Variants in KCNK10 observed in about 807,000 individuals in gnomAD.
The protein encoded by KCNK10 is potassium channel subfamily K member 10.
A neutral mutation model predicts 47.7 loss-of-function variants in KCNK10; 25 were observed. That is an observed-to-expected ratio of 0.52 (90% CI 0.38 to 0.73). KCNK10 has a LOEUF of 0.73. Ranked by LOEUF, KCNK10 falls within the 30% of genes least tolerant of loss-of-function variation. The pLI is 0.00. For synonymous variants in KCNK10, 303 were observed against 285.6 expected, an observed-to-expected ratio of 1.06 and a Z score of -0.61; for missense variants, 563 against 714.5, an observed-to-expected ratio of 0.79 and a Z score of 2.42.
At chr14:88,191,606 T>G (rs1355065564) in intron 5 of KCNK10, among the ~76,000 whole-genome samples, 1 of 151,774 alleles carries the variant, frequency 6.6e-6, no homozygotes, top group Non-Finnish European at 1.5e-5. Context: ...TTGATGATTT[T>G]TTTTTCACTT....
At chr14:88,326,300 G>T, upstream of KCNK10, 1 of 771,772 alleles carries the variant, frequency 1.3e-6, no homozygotes. Context: ...TGGACTGCAT[G>T]GAGTGGGGAT....
At chr14:88,225,343 C>T (rs1210307796) in intron 4 of KCNK10, among the ~76,000 whole-genome samples, 1 of 152,174 alleles carries the variant, frequency 6.6e-6, no homozygotes, top group Non-Finnish European at 1.5e-5. Flanking sequence ...GTCTCGCCTT[C>T]CTAAAAGAAT....
intron 4 of KCNK10, among the ~76,000 whole-genome samples, chr14:88,200,085 T>C (rs955419891): frequency 1.3e-5 from 2 of 149,854 alleles, no homozygotes; most frequent in Non-Finnish European, 2.9e-5. Context: ...CTTTCTTTCT[T>C]CCTTTCTTCC....
At position 88,180,936 on chromosome 14, in the gene KCNK10, T is replaced by C; in HGVS notation, c.*4599A>G. The C allele has an allele frequency of 2.5e-6, 1 of 398,324 alleles. No homozygotes were observed. The highest frequency in any genetic ancestry group is 3.5e-5 in the East Asian group (1 of 28,196). 24.7% of individuals were successfully genotyped at this position (398,324 alleles called of 1,614,324 possible). ...GTTTCAGAGAGTTACCCTTTTTCTT[T>C]TTAAGGCCATTACTAGCCAGCTCTT... On this transcript the variant is annotated 3_prime_UTR_variant, in exon 7 of 7. Coordinates refer to ENST00000319231, the MANE Select transcript of KCNK10 (RefSeq NM_138317.3).
chr14:88,280,025 A>G (rs1260620444), intron 1 of KCNK10, among the ~76,000 whole-genome samples: 3 of 152,172 alleles, frequency 2.0e-5, no homozygotes, highest in Non-Finnish European at 2.9e-5. Flanking sequence ...TGTAAGTCCA[A>G]TTAAACCTCT....
chr14:88,272,586 C>T (rs766565518), intron 1 of KCNK10, among the ~76,000 whole-genome samples: 16 of 152,088 alleles, frequency 1.1e-4, no homozygotes, highest in Non-Finnish European at 1.6e-4. Flanking sequence ...AAGATGGCTA[C>T]ACCAAAATAA....
intron 1 of KCNK10, among the ~76,000 whole-genome samples, chr14:88,277,334 C>G (rs1172819971): frequency 1.3e-5 from 2 of 152,230 alleles, no homozygotes; most frequent in African/African-American, 4.8e-5. Context: ...AACAGCTTTG[C>G]ATTTCAGCAT....
intron 1 of KCNK10, among the ~76,000 whole-genome samples, chr14:88,321,150 C>G (rs1354352970): frequency 1.3e-5 from 2 of 152,128 alleles, no homozygotes; most frequent in African/African-American, 4.8e-5. Context: ...ATGGGAACCT[C>G]CTTTCAGTTC....
chr14:88,195,026 T>A (rs79221060), intron 4 of KCNK10, among the ~76,000 whole-genome samples: 71 of 148,392 alleles, frequency 4.8e-4, no homozygotes, highest in Non-Finnish European at 9.0e-4. Flanking sequence ...TCTAGGTATT[T>A]AAAAAAAAAA....
chr14:88,237,733 G>A (rs753949529), intron 3 of KCNK10, among the ~76,000 whole-genome samples: 3 of 152,132 alleles, frequency 2.0e-5, no homozygotes, highest in Non-Finnish European at 4.4e-5. Flanking sequence ...CAACAGTGAG[G>A]TTAAACTCTT....
chr14:88,254,342 C>T, intron 2 of KCNK10, among the ~76,000 whole-genome samples: 1 of 152,122 alleles, frequency 6.6e-6, no homozygotes, highest in East Asian at 1.9e-4. Flanking sequence ...TGAAAAATCC[C>T]ATGTCCTTCC....
At chr14:88,275,851 AG>A (rs34405396) in intron 1 of KCNK10, among the ~76,000 whole-genome samples, 19,512 of 152,020 alleles carry the variant, frequency 0.13, 1,775 homozygotes, top group East Asian at 0.44. Flanking sequence ...TGGGCGACAG[AG>A]GGAGACTCCA....
chr14:88,276,988 T>C (rs576387904), intron 1 of KCNK10, among the ~76,000 whole-genome samples: 1 of 152,246 alleles, frequency 6.6e-6, no homozygotes, highest in East Asian at 1.9e-4. Flanking sequence ...AACAGCACAG[T>C]CTGTGTGCAT....
At chr14:88,232,839 C>T (rs28689531) in intron 3 of KCNK10, among the ~76,000 whole-genome samples, 1 of 152,178 alleles carries the variant, frequency 6.6e-6, no homozygotes, top group African/African-American at 2.4e-5. Flanking sequence ...GAAAGCCCCC[C>T]TTCCTGTGCA....
Position 88,312,719 on chromosome 14 carries a change from C to A in KCNK10, c.52+10028G>T, listed in dbSNP as rs145879736. 3.1e-4 allele frequency among the ~76,000 whole-genome samples: 47 copies of A among 152,104 alleles called. No individual in the cohort carries two copies. In the East Asian group the frequency reaches 8.5e-3, roughly 28 times the overall value. On this transcript the variant is annotated intron_variant, in intron 1 of 6. Transcript: ENST00000319231. ...GAAAAAATAGGGTGGATTATGGGGT[C>A]TTTTTTTTAAATTAATGTTTACAGA...
intron 5 of KCNK10, among the ~76,000 whole-genome samples, chr14:88,189,578 A>C (rs139809503): frequency 6.2e-4 from 94 of 152,294 alleles, no homozygotes; most frequent in African/African-American, 2.1e-3. Context: ...CACCCTTCTA[A>C]GTATCCCTTT....
intron 1 of KCNK10, among the ~76,000 whole-genome samples, chr14:88,300,160 A>G (rs1888065364): frequency 6.6e-6 from 1 of 152,110 alleles, no homozygotes; most frequent in Non-Finnish European, 1.5e-5. Context: ...CTATCCCTTG[A>G]GCAAAACTTG....
intron 4 of KCNK10, among the ~76,000 whole-genome samples, chr14:88,205,386 T>C (rs921349106): frequency 3.0e-4 from 46 of 152,132 alleles, no homozygotes; most frequent in Admixed American, 3.0e-3. Flanking sequence ...CTGCTGTCCA[T>C]GTTCCTTCAC....
chr14:88,253,268 G>C (rs1886850381), intron 2 of KCNK10, among the ~76,000 whole-genome samples: 1 of 152,134 alleles, frequency 6.6e-6, no homozygotes, highest in Non-Finnish European at 1.5e-5. Context: ...CATAATTACA[G>C]CAAGATAACA....
Sources: gnomAD v4.1 joint callset for allele counts (sites outside exome capture counted in the v4.1 genomes callset) on GRCh38, gnomAD v4.1.1 for gene constraint, MANE v1.5 for transcripts, NCBI Gene and HGNC (gene_info 2026-07-23, HGNC 2026-07-21) for gene names.